Variants in FRG1 observed in about 807,000 individuals in gnomAD.
FRG1 encodes protein FRG1.
In FRG1, 19 loss-of-function variants were observed where a neutral mutation model predicts 37.0. The ratio of observed to expected loss-of-function variants is 0.51; its 90% CI spans 0.36 to 0.75. The LOEUF is 0.75. Ranked by LOEUF, FRG1 falls within the 30% of genes least tolerant of loss-of-function variation. The probability of loss-of-function intolerance (pLI) is 0.00; values close to 1 mark genes in which losing one functional copy is unlikely to be tolerated. For missense variants in FRG1, 243 were observed against 301.4 expected, an observed-to-expected ratio of 0.81 and a Z score of 1.44; for synonymous variants, 73 against 96.5, an observed-to-expected ratio of 0.76 and a Z score of 1.43.
At chr4:189,956,383 TTAGA>T (rs1002454598) in intron 5 of FRG1, among the ~76,000 whole-genome samples, 1 of 152,148 alleles carries the variant, frequency 6.6e-6, no homozygotes, top group Non-Finnish European at 1.5e-5. Flanking sequence ...AGATGATGAC[TTAGA>T]TAGTACTAAT....
intron 1 of FRG1, among the ~76,000 whole-genome samples, chr4:189,941,516 G>A (rs1304008270): frequency 2.6e-5 from 4 of 152,170 alleles, no homozygotes; most frequent in Non-Finnish European, 5.9e-5. Flanking sequence ...AGTGGTTGAG[G>A]TGTATATGGG....
At position 189,955,060 on chromosome 4, in the gene FRG1, G is replaced by A; in HGVS notation, c.341G>A (p.Gly114Glu). Residue 114 changes from glycine (G) to glutamate (E), a missense_variant, in exon 5 of 9, where the codon GGA (glycine) becomes GAA (glutamate). Physicochemically the swap from Gly to Glu is moderately conservative, Grantham distance 98. Transcript: ENST00000226798. ...AGAATCGCCCTGAAGTCTGGCTATG[G>A]AAAATATCTTGGTATAAATTCAGAT... is the stretch of plus-strand genomic sequence containing the variant. ...DSRIALKSGY[G>E]KYLGINSDGL... 1 of 1,612,576 alleles carries A rather than the reference G, an allele frequency of 6.2e-7. No homozygotes were observed. The highest frequency in any genetic ancestry group is 1.1e-5 in the South Asian group (1 of 91,032).
At position 189,952,232 on chromosome 4, in the gene FRG1, C is replaced by T. The variant is rs1247432439; in HGVS notation, c.204C>T (p.Thr68=). The T allele has an allele frequency of 1.2e-6, 2 of 1,609,256 alleles. No individual in the cohort carries two copies. Among genetic ancestry groups the T allele is most frequent in the Non-Finnish European group, 1.7e-6 (2 of 1,177,704 alleles). ...TAGCCATTGAAATGGATAAGGGAACCTATATACATGCACTCGACAATGGTC... is the reference window on the plus strand; with the variant it reads ...TAGCCATTGAAATGGATAAGGGAACTTATATACATGCACTCGACAATGGTC... ...GTIAIEMDKG[T]YIHALDNGLF... is the part of the protein sequence containing the mutation. The change falls in exon 3 of 9, where the codon ACC becomes ACT. Residue 68 remains threonine (T), a synonymous_variant. Transcript: ENST00000226798.
In FRG1 at chr4:189,955,136, A is replaced by G. The variant is rs375566029; in HGVS notation, c.417A>G (p.Glu139=). The G allele has an allele frequency of 7.5e-6, 12 of 1,610,338 alleles. No individual in the cohort carries two copies. In the African/African-American group the frequency reaches 1.6e-4, roughly 22 times the overall value. Reference sequence around the variant, plus strand: ...CAATTGGACCAAGAGAACAATGGGAACCAGTCTTTCAAAATGTAAGTGCTG... The same window carrying G: ...CAATTGGACCAAGAGAACAATGGGAGCCAGTCTTTCAAAATGTAAGTGCTG... ...SDAIGPREQW[E]PVFQNGKMAL... The change falls in exon 5 of 9, where the codon GAA becomes GAG. Residue 139 remains glutamate, a synonymous_variant. Transcript: ENST00000226798.
chr4:189,955,564 A>G (rs1360982014), intron 5 of FRG1, among the ~76,000 whole-genome samples: 1 of 152,210 alleles, frequency 6.6e-6, no homozygotes, highest in Non-Finnish European at 1.5e-5. Flanking sequence ...ATAAATAATA[A>G]TAGTTCATTG....
Position 189,963,099 on chromosome 4 carries a change from C to T in FRG1, c.747C>T (p.Ala249=). The T allele has an allele frequency of 6.2e-7, 1 of 1,610,260 alleles. No homozygotes were observed. Among genetic ancestry groups the T allele is most frequent in the Non-Finnish European group, 8.5e-7 (1 of 1,177,544 alleles). ...FLHETLLDRR[A]KLKADRYCK ...TTTTTCTTTGTTTAAACAGGAGAGC[C>T]AAATTGAAAGCCGACAGATACTGCA... Residue 249 remains alanine (A), a synonymous_variant, in exon 9 of 9, where the codon GCC becomes GCT. Coordinates refer to ENST00000226798, the MANE Select transcript of FRG1 (RefSeq NM_004477.3).
intron 6 of FRG1, among the ~76,000 whole-genome samples, chr4:189,958,348 G>A (rs73876036): frequency 4.6e-5 from 7 of 152,020 alleles, no homozygotes; most frequent in East Asian, 3.9e-4. Flanking sequence ...GGGTATATGC[G>A]TTTGTATTTA....
intron 1 of FRG1, chr4:189,942,139 T>C (rs1395445224): frequency 6.1e-6 from 1 of 164,262 alleles, no homozygotes; most frequent in Non-Finnish European, 1.3e-5. Context: ...TAATTAATGC[T>C]CATATAGCAC....
intron 1 of FRG1, among the ~76,000 whole-genome samples, chr4:189,941,667 C>A (rs1393232147): frequency 6.6e-6 from 1 of 152,144 alleles, no homozygotes; most frequent in Non-Finnish European, 1.5e-5. Flanking sequence ...TTTATACTTT[C>A]AGACGTTTTT....
In FRG1 at chr4:189,941,075, G is replaced by A. The variant is rs1275049471; in HGVS notation, c.62+4G>A. On this transcript the variant is annotated splice_donor_region_variant and intron_variant, in intron 1 of 8. Coordinates refer to ENST00000226798, the MANE Select transcript of FRG1 (RefSeq NM_004477.3). The stretch of plus-strand genomic sequence containing the variant: ...TCAAGGGAACCAAGACGAAGAGGTG[G>A]GTCCTGCAGCTTGGGCGGGAGCCTC... 1 of 1,613,604 alleles carries A rather than the reference G, an allele frequency of 6.2e-7. No homozygotes were observed. The highest frequency in any genetic ancestry group is 1.3e-5 in the African/African-American group (1 of 74,916).
chr4:189,945,852 T>C (rs28885751), intron 2 of FRG1, among the ~76,000 whole-genome samples: 1,531 of 152,104 alleles, frequency 0.01, 25 homozygotes, highest in African/African-American at 0.034. Context: ...TCTTTACATG[T>C]TTGATAGAAT....
Position 189,963,103 on chromosome 4 carries a change from T to C in FRG1, c.751T>C (p.Leu251=), listed in dbSNP as rs1230648768. 1.2e-6 allele frequency: 2 copies of C among 1,611,680 alleles called. No individual in the cohort carries two copies. The highest frequency in any genetic ancestry group is 1.1e-5 in the South Asian group (1 of 90,702). The part of the protein sequence containing the change: ...HETLLDRRAK[L]KADRYCK ...TCTTTGTTTAAACAGGAGAGCCAAA[T>C]TGAAAGCCGACAGATACTGCAAGTG... is the stretch of plus-strand genomic sequence containing the variant. The change falls in exon 9 of 9, where the codon TTG becomes CTG. Residue 251 remains leucine, a synonymous_variant. Coordinates refer to ENST00000226798, the MANE Select transcript of FRG1 (RefSeq NM_004477.3).
intron 6 of FRG1, chr4:189,959,982 TAC>T (rs1737160393): frequency 2.7e-6 from 2 of 733,016 alleles, no homozygotes; most frequent in African/African-American, 3.8e-5. Context: ...AGATCCCTCT[TAC>T]TAAAGGTAGC....
At chr4:189,959,854 A>G (rs1334177018) in intron 6 of FRG1, 18 of 982,216 alleles carry the variant, frequency 1.8e-5, no homozygotes, top group Non-Finnish European at 1.9e-5. Flanking sequence ...AGGCTCTCCT[A>G]ATCTCTGTCA....
At chr4:189,943,421 C>G (rs1050439918) in intron 2 of FRG1, 149 bp downstream of exon 2, 25 of 903,268 alleles carry the variant, frequency 2.8e-5, no homozygotes, top group Middle Eastern at 2.3e-4. Flanking sequence ...TCCATTTATT[C>G]TTTAACACAG....
intron 2 of FRG1, among the ~76,000 whole-genome samples, chr4:189,944,797 A>G (rs1303084015): frequency 1.3e-5 from 2 of 152,168 alleles, no homozygotes; most frequent in East Asian, 3.9e-4. Flanking sequence ...CTTGATTGCT[A>G]TAATTTCATG....
At chr4:189,960,552 A>T (rs138731142) in intron 6 of FRG1, among the ~76,000 whole-genome samples, 196 bp from the exon 7 acceptor site, 6,627 of 152,332 alleles carry the variant, frequency 0.044, 404 homozygotes, top group African/African-American at 0.13. Flanking sequence ...TGGAGGAAGC[A>T]TGTGATAGCA....
chr4:189,947,794 T>G (rs1460794881), intron 2 of FRG1, among the ~76,000 whole-genome samples: 1 of 152,244 alleles, frequency 6.6e-6, no homozygotes, highest in Admixed American at 6.5e-5. Context: ...TACCTTATTC[T>G]ATAAACTCCC....
chr4:189,961,345 T>G (rs1025620515), intron 7 of FRG1: 1 of 158,138 alleles, frequency 6.3e-6, no homozygotes, highest in Non-Finnish European at 1.4e-5. Flanking sequence ...GCCCTCCTCT[T>G]GAGAGGTCAT....
Sources: gnomAD v4.1 joint callset for allele counts (sites outside exome capture counted in the v4.1 genomes callset) on GRCh38, gnomAD v4.1.1 for gene constraint, MANE v1.5 for transcripts, NCBI Gene and HGNC (gene_info 2026-07-23, HGNC 2026-07-21) for gene names.